The following THSD7B variants were observed in gnomAD, a reference collection of about 807,000 sequenced individuals.
The protein encoded by THSD7B is thrombospondin type-1 domain-containing protein 7B.
Under a neutral mutation model 213.6 loss-of-function variants are expected in THSD7B, and 138 were observed. The observed-to-expected ratio is 0.65, with a 90% CI of 0.56 to 0.74. The LOEUF (loss-of-function observed/expected upper bound fraction) is 0.74, where lower values mean the gene tolerates loss of function less well. Ranked by LOEUF, THSD7B falls within the 30% of genes least tolerant of loss-of-function variation. The probability of loss-of-function intolerance (pLI) is 0.00; values close to 1 mark genes in which losing one functional copy is unlikely to be tolerated. For synonymous variants in THSD7B, 742 were observed against 687.0 expected (o/e 1.08, Z -1.25); for missense variants, 1,931 against 1,991.5 (o/e 0.97, Z 0.58).
chr2:137,378,669 C>G (rs1249710912), intron 12 of THSD7B, among the ~76,000 whole-genome samples: 1 of 152,146 alleles, frequency 6.6e-6, no homozygotes, highest in Non-Finnish European at 1.5e-5. Context: ...AGTCTTCACT[C>G]TACTTGTCTG....
chr2:137,029,819 A>G (rs1169133154), intron 2 of THSD7B, among the ~76,000 whole-genome samples: 2 of 152,138 alleles, frequency 1.3e-5, no homozygotes, highest in Non-Finnish European at 2.9e-5. Context: ...CCCTGTTTTT[A>G]TAGTGCACCT....
At chr2:137,190,632 T>A (rs986300101) in intron 7 of THSD7B, among the ~76,000 whole-genome samples, 2 of 152,202 alleles carry the variant, frequency 1.3e-5, no homozygotes, top group Admixed American at 1.3e-4. Flanking sequence ...TGGGCTTTCA[T>A]GAGTCACAGT....
chr2:137,176,227 G>A (rs1319151268), intron 7 of THSD7B, among the ~76,000 whole-genome samples: 1 of 152,064 alleles, frequency 6.6e-6, no homozygotes, highest in African/African-American at 2.4e-5. Context: ...GGATATGTAG[G>A]CTCTAAAATA....
chr2:137,349,067 A>G (rs984491908), intron 12 of THSD7B, among the ~76,000 whole-genome samples: 3 of 151,582 alleles, frequency 2.0e-5, no homozygotes, highest in African/African-American at 7.3e-5. Flanking sequence ...GTTTCCATAA[A>G]TTGGGATAAA....
intron 2 of THSD7B, among the ~76,000 whole-genome samples, chr2:136,986,975 G>A (rs1460380732): frequency 6.6e-6 from 1 of 152,236 alleles, no homozygotes; most frequent in Non-Finnish European, 1.5e-5. Context: ...GTTAGTGACA[G>A]CAAAAGTGTT....
chr2:137,154,647 G>C (rs1363263695), intron 5 of THSD7B, among the ~76,000 whole-genome samples: 1 of 151,620 alleles, frequency 6.6e-6, no homozygotes, highest in African/African-American at 2.4e-5. Context: ...CTTATTTCTC[G>C]GTTAATTCAA....
intron 15 of THSD7B, among the ~76,000 whole-genome samples, chr2:137,503,230 A>G (rs939917614): frequency 3.9e-5 from 6 of 152,160 alleles, no homozygotes; most frequent in African/African-American, 1.4e-4. Context: ...CTAAGTATAC[A>G]ATAGAGTTCA....
At chr2:137,388,309 G>A (rs1435589704) in intron 12 of THSD7B, among the ~76,000 whole-genome samples, 2 of 151,564 alleles carry the variant, frequency 1.3e-5, no homozygotes, top group South Asian at 2.1e-4. Flanking sequence ...TGAGTTCATT[G>A]AGTCTTAATT....
chr2:137,565,695 G>A (rs901207420), intron 16 of THSD7B, among the ~76,000 whole-genome samples: 7 of 152,100 alleles, frequency 4.6e-5, no homozygotes, highest in Admixed American at 2.0e-4. Flanking sequence ...AGCTTCTGGC[G>A]AGGGCTTTTT....
intron 1 of THSD7B, among the ~76,000 whole-genome samples, chr2:136,845,538 C>T (rs1682994510): frequency 6.6e-6 from 1 of 151,998 alleles, no homozygotes. Context: ...TTATTTTGCC[C>T]CATAAAACAT....
chr2:137,616,579 A>G (rs1477200128), intron 18 of THSD7B, among the ~76,000 whole-genome samples: 1 of 152,204 alleles, frequency 6.6e-6, no homozygotes, highest in Non-Finnish European at 1.5e-5. Flanking sequence ...CAAAATGTTG[A>G]TTTAAGCCAT....
chr2:137,616,424 G>A (rs558649429), intron 18 of THSD7B, 108 bp downstream of exon 18: 61 of 992,390 alleles, frequency 6.1e-5, no homozygotes, highest in Non-Finnish European at 8.8e-5. Context: ...TAGAATGTGT[G>A]AGTGTATTGC....
At position 137,656,660 on chromosome 2, in the gene THSD7B, T is replaced by C. The variant is rs72985421; in HGVS notation, c.4106-136T>C. On this transcript the variant is annotated intron_variant, in intron 22 of 27. Transcript: ENST00000409968. ...TTCTTAGTACATTCTGATTGGAAAA[T>C]TGATCAATATAGAATGTGTAGTATC... is the stretch of plus-strand genomic sequence containing the variant. 7.8e-3 allele frequency: 5,696 copies of C among 727,522 alleles called. 253 individuals are homozygous for C. In the African/African-American group the frequency reaches 0.089, roughly 11 times the overall value. The allele number at this position is 727,522 out of a possible 1,614,324, so 45.1% of individuals were successfully genotyped here. A position where few individuals can be genotyped will look rare whatever the true frequency, so the allele number is the denominator to read the frequency against.
At chr2:137,266,166 A>T (rs991409409) in intron 10 of THSD7B, among the ~76,000 whole-genome samples, 1 of 152,214 alleles carries the variant, frequency 6.6e-6, no homozygotes, top group African/African-American at 2.4e-5. Flanking sequence ...GACGTGCTAG[A>T]GAAAATTCCT....
intron 2 of THSD7B, among the ~76,000 whole-genome samples, chr2:136,997,156 T>C (rs917219274): frequency 2.0e-5 from 3 of 152,180 alleles, no homozygotes; most frequent in African/African-American, 4.8e-5. Flanking sequence ...TTGTGCTGAC[T>C]CTGTATTGAG....
chr2:137,486,581 C>T (rs1362886434), intron 15 of THSD7B, among the ~76,000 whole-genome samples: 6 of 148,426 alleles, frequency 4.0e-5, no homozygotes, highest in Admixed American at 4.0e-4. Flanking sequence ...TTAGACAGAT[C>T]AACGAGACAG....
At chr2:137,263,506 T>A (rs902329842) in intron 10 of THSD7B, among the ~76,000 whole-genome samples, 2 of 152,140 alleles carry the variant, frequency 1.3e-5, no homozygotes, top group Admixed American at 6.6e-5. Flanking sequence ...CCAGATCCAT[T>A]GAATTTGGCT....
At chr2:136,904,838 T>C (rs1684131429) in intron 2 of THSD7B, among the ~76,000 whole-genome samples, 1 of 152,246 alleles carries the variant, frequency 6.6e-6, no homozygotes, top group Admixed American at 6.5e-5. Flanking sequence ...ATTATTTGCT[T>C]TCAGCAAATG....
chr2:137,643,585 C>T (rs1237900842), intron 21 of THSD7B, among the ~76,000 whole-genome samples: 3 of 152,180 alleles, frequency 2.0e-5, no homozygotes, highest in African/African-American at 7.2e-5. Context: ...AATATTAATA[C>T]TTTGTCTACT....
Sources: allele counts gnomAD v4.1 joint callset (sites outside exome capture counted in the v4.1 genomes callset), GRCh38; gene constraint gnomAD v4.1.1; transcripts MANE v1.5; gene names NCBI Gene and HGNC (gene_info 2026-07-23, HGNC 2026-07-21).